The following TMTC2 variants were observed in gnomAD, a reference collection of about 807,000 sequenced individuals.
TMTC2 encodes protein O-mannosyl-transferase TMTC2.
In TMTC2, 43 loss-of-function variants were observed where a neutral mutation model predicts 82.4. The observed-to-expected ratio is 0.52, with a 90% CI of 0.41 to 0.67. The LOEUF is 0.67. Ranked by LOEUF, TMTC2 falls within the 30% of genes least tolerant of loss-of-function variation. The pLI is 0.00. For synonymous variants in TMTC2, 408 were observed against 381.9 expected (o/e 1.07, Z -0.80); for missense variants, 919 against 1,012.4 (o/e 0.91, Z 1.25).
intron 9 of TMTC2, among the ~76,000 whole-genome samples, chr12:83,031,131 C>T (rs1881414652): frequency 6.6e-6 from 1 of 151,632 alleles, no homozygotes; most frequent in Non-Finnish European, 1.5e-5. Context: ...TTTTCAAGTT[C>T]AGTGTGGAGT....
At chr12:82,862,876 T>C (rs1371343536) in intron 2 of TMTC2, among the ~76,000 whole-genome samples, 1 of 152,196 alleles carries the variant, frequency 6.6e-6, no homozygotes, top group Non-Finnish European at 1.5e-5. Flanking sequence ...GAGAATAATT[T>C]CTGAGGGTGG....
At chr12:82,945,973 C>G (rs970139623) in intron 4 of TMTC2, among the ~76,000 whole-genome samples, 1 of 152,130 alleles carries the variant, frequency 6.6e-6, no homozygotes, top group Non-Finnish European at 1.5e-5. Context: ...ATTATTTCTA[C>G]TAAATAATAC....
chr12:82,757,048 T>C (rs1338790622), intron 1 of TMTC2, among the ~76,000 whole-genome samples: 2 of 152,220 alleles, frequency 1.3e-5, no homozygotes, highest in Non-Finnish European at 2.9e-5. Flanking sequence ...AAACCCCTGG[T>C]ATTCTCAGAT....
chr12:82,800,552 G>A (rs1271574072), intron 1 of TMTC2, among the ~76,000 whole-genome samples: 1 of 152,136 alleles, frequency 6.6e-6, no homozygotes, highest in Non-Finnish European at 1.5e-5. Context: ...ATTATTGGAG[G>A]AAAGGGAGAA....
At chr12:82,934,622 C>G (rs1274305491) in intron 4 of TMTC2, among the ~76,000 whole-genome samples, 1 of 152,136 alleles carries the variant, frequency 6.6e-6, no homozygotes, top group Non-Finnish European at 1.5e-5. Flanking sequence ...TTTATCCAGT[C>G]TATCATTGAT....
Position 82,857,013 on chromosome 12 carries a change from T to C in TMTC2, c.87T>C (p.Arg29=), listed in dbSNP as rs771962344. 8.1e-6 allele frequency: 13 copies of C among 1,605,950 alleles called. No homozygotes were observed. The highest frequency in any genetic ancestry group is 1.7e-4 in the Middle Eastern group (1 of 6,034). Residue 29 remains arginine, a synonymous_variant, in exon 2 of 12, where the codon CGT becomes CGC. Transcript: ENST00000321196. The stretch of plus-strand genomic sequence containing the variant: ...TTTTTAACGTTTTGTTTTTTAGCCG[T>C]GCTATCAAGACTAATCAGGACCTTC... ...LSADFCYDDS[R]AIKTNQDLLP...
At chr12:83,105,647 G>C (rs181779964) in intron 11 of TMTC2, among the ~76,000 whole-genome samples, 1 of 152,098 alleles carries the variant, frequency 6.6e-6, no homozygotes, top group Non-Finnish European at 1.5e-5. Flanking sequence ...TCCATCCCAC[G>C]ACCCAAACAC....
At chr12:82,873,174 G>A (rs559344723) in intron 2 of TMTC2, among the ~76,000 whole-genome samples, 6 of 151,392 alleles carry the variant, frequency 4.0e-5, no homozygotes, top group South Asian at 2.1e-4. Context: ...ATTTTGGAAT[G>A]GAATTAAGGA....
chr12:82,843,992 G>C (rs2137094124), intron 1 of TMTC2, among the ~76,000 whole-genome samples: 1 of 152,324 alleles, frequency 6.6e-6, no homozygotes, highest in Non-Finnish European at 1.5e-5. Context: ...ATTCAGAGAA[G>C]ACAGGAGTAT....
chr12:83,036,953 A>G (rs1409527030), intron 9 of TMTC2, among the ~76,000 whole-genome samples: 1 of 152,114 alleles, frequency 6.6e-6, no homozygotes, highest in Non-Finnish European at 1.5e-5. Flanking sequence ...ATCCATAGTC[A>G]TAAGAACTAA....
chr12:83,073,191 T>C (rs961829797), intron 11 of TMTC2, among the ~76,000 whole-genome samples: 1 of 152,196 alleles, frequency 6.6e-6, no homozygotes, highest in African/African-American at 2.4e-5. Flanking sequence ...GTAATGTGTA[T>C]TCTCTCAGCA....
chr12:82,998,671 G>A (rs1441327857), intron 8 of TMTC2, among the ~76,000 whole-genome samples: 1 of 152,140 alleles, frequency 6.6e-6, no homozygotes, highest in Non-Finnish European at 1.5e-5. Flanking sequence ...ATCAGAGGAA[G>A]CAGTTATGAC....
intron 2 of TMTC2, among the ~76,000 whole-genome samples, chr12:82,877,971 A>G (rs1393427935): frequency 6.6e-6 from 1 of 152,200 alleles, no homozygotes; most frequent in Non-Finnish European, 1.5e-5. Flanking sequence ...CCCCCACTCT[A>G]TATTGTTTTG....
intron 3 of TMTC2, among the ~76,000 whole-genome samples, chr12:82,900,938 A>AAT (rs551975492): frequency 2.3e-4 from 20 of 86,208 alleles, no homozygotes; most frequent in African/African-American, 1.0e-3. Flanking sequence ...TATATATAGG[A>AAT]ATATATATAT....
rs1870544276 is a variant in TMTC2 at position 82,844,791 on chromosome 12, G to A, written c.84-12219G>A. 2.0e-5 allele frequency among the ~76,000 whole-genome samples: 3 copies of A among 149,866 alleles called. No individual in the cohort carries two copies. In the South Asian group the frequency reaches 6.3e-4, roughly 32 times the overall value. ...CACTCCAGCCTGGGCGATAGAGTGA[G>A]ACTCCGTCTCAAAAAAAAAAAAGAA... On this transcript the variant is annotated intron_variant, in intron 1 of 11. Coordinates refer to ENST00000321196, the MANE Select transcript of TMTC2 (RefSeq NM_152588.3).
At chr12:82,746,048 C>T (rs1267604421) in intron 1 of TMTC2, among the ~76,000 whole-genome samples, 2 of 152,070 alleles carry the variant, frequency 1.3e-5, no homozygotes, top group Non-Finnish European at 2.9e-5. Context: ...GCATTGTTTG[C>T]CTTATTGTGA....
chr12:82,894,021 T>C (rs183569416), intron 2 of TMTC2, among the ~76,000 whole-genome samples: 1 of 152,144 alleles, frequency 6.6e-6, no homozygotes, highest in Non-Finnish European at 1.5e-5. Context: ...ATGAGTGGAA[T>C]GTGGAGGGAA....
chr12:82,812,621 T>G (rs1410841955), intron 1 of TMTC2, among the ~76,000 whole-genome samples: 3 of 152,136 alleles, frequency 2.0e-5, no homozygotes, highest in Non-Finnish European at 2.9e-5. Context: ...GATAGAATTA[T>G]GGAAAGCATC....
chr12:82,960,326 A>G (rs1237962310), intron 4 of TMTC2, among the ~76,000 whole-genome samples: 1 of 152,048 alleles, frequency 6.6e-6, no homozygotes, highest in Non-Finnish European at 1.5e-5. Flanking sequence ...AGACACATGC[A>G]CTCACATGTT....
Sources: allele counts gnomAD v4.1 joint callset (sites outside exome capture counted in the v4.1 genomes callset), GRCh38; gene constraint gnomAD v4.1.1; transcripts MANE v1.5; gene names NCBI Gene and HGNC (gene_info 2026-07-23, HGNC 2026-07-21).